The following PRKG1 variants were observed in gnomAD, a reference collection of about 807,000 sequenced individuals.
The protein encoded by PRKG1 is cGMP-dependent protein kinase 1.
A neutral mutation model predicts 88.1 loss-of-function variants in PRKG1; 35 were observed. That is an observed-to-expected ratio of 0.40 (90% CI 0.30 to 0.53). PRKG1 has a LOEUF of 0.53. PRKG1 is among the 20% of genes least tolerant of loss of function. PRKG1 has a pLI of 0.59. For synonymous variants in PRKG1, 303 were observed against 292.5 expected, an observed-to-expected ratio of 1.04 and a Z score of -0.37; for missense variants, 540 against 839.8, an observed-to-expected ratio of 0.64 and a Z score of 4.41.
intron 2 of PRKG1, among the ~76,000 whole-genome samples, chr10:51,410,034 G>T (rs774906505): frequency 2.0e-5 from 3 of 151,862 alleles, no homozygotes; most frequent in Non-Finnish European, 2.9e-5. Flanking sequence ...GGCCCAAGTG[G>T]CAGAGCAGCT....
intron 1 of PRKG1, among the ~76,000 whole-genome samples, chr10:51,019,083 G>T (rs917731361): frequency 1.3e-5 from 2 of 152,118 alleles, no homozygotes; most frequent in African/African-American, 4.8e-5. Context: ...TAGCTGGAAG[G>T]TTATGTAATT....
chr10:52,071,299 C>T (rs575418131), intron 7 of PRKG1, among the ~76,000 whole-genome samples: 14 of 152,196 alleles, frequency 9.2e-5, no homozygotes, highest in Admixed American at 7.2e-4. Flanking sequence ...TCCATCTCTG[C>T]CTCCCCTCTT....
chr10:52,174,935 T>C lies in PRKG1; in HGVS notation c.1076+12972T>C, dbSNP rs1356101627. On this transcript the variant is annotated intron_variant, in intron 9 of 17. Coordinates refer to ENST00000373980, the MANE Select transcript of PRKG1 (RefSeq NM_006258.4). The stretch of plus-strand genomic sequence containing the variant: ...ATGATGTTCCAATACATATAATGTA[T>C]AGTGATCTGATCAGGGCGATTAGCA... 2.0e-5 allele frequency among the ~76,000 whole-genome samples: 3 copies of C among 152,208 alleles called. No individual in the cohort carries two copies. In the East Asian group the frequency reaches 5.8e-4, roughly 29 times the overall value.
chr10:51,904,235 A>AT (rs995675582), intron 4 of PRKG1, among the ~76,000 whole-genome samples: 10 of 151,150 alleles, frequency 6.6e-5, no homozygotes, highest in Middle Eastern at 3.4e-3. Context: ...ACAATAAATT[A>AT]TTTTTTTTTG....
At chr10:52,232,753 C>T (rs1403669408) in intron 9 of PRKG1, among the ~76,000 whole-genome samples, 1 of 152,174 alleles carries the variant, frequency 6.6e-6, no homozygotes, top group Non-Finnish European at 1.5e-5. Flanking sequence ...CTAAGTCCCT[C>T]AACTTCCTCC....
intron 5 of PRKG1, among the ~76,000 whole-genome samples, chr10:51,963,397 A>T (rs997844493): frequency 2.0e-5 from 3 of 152,150 alleles, no homozygotes; most frequent in Admixed American, 6.6e-5. Flanking sequence ...ATTACTGTGA[A>T]GCAGTTTTCA....
At chr10:51,207,983 T>TA (rs1838106951) in intron 2 of PRKG1, among the ~76,000 whole-genome samples, 4 of 152,248 alleles carry the variant, frequency 2.6e-5, no homozygotes, top group Admixed American at 6.5e-5. Context: ...ATGGTGTTAT[T>TA]ATTAACTGAA....
chr10:51,544,782 A>T (rs1234150203), intron 3 of PRKG1, among the ~76,000 whole-genome samples: 1 of 152,138 alleles, frequency 6.6e-6, no homozygotes, highest in African/African-American at 2.4e-5. Context: ...CAATCTACTC[A>T]TCTGACAAAG....
chr10:51,179,998 G>A (rs1260660947), intron 2 of PRKG1, among the ~76,000 whole-genome samples: 1 of 152,036 alleles, frequency 6.6e-6, no homozygotes, highest in Non-Finnish European at 1.5e-5. Context: ...TTATTATTTT[G>A]TTTCATTCCT....
intron 7 of PRKG1, among the ~76,000 whole-genome samples, chr10:52,108,810 G>A (rs1847485304): frequency 6.6e-6 from 1 of 150,808 alleles, no homozygotes; most frequent in African/African-American, 2.4e-5. Flanking sequence ...TATTAACCTG[G>A]GAGAACAAGT....
intron 4 of PRKG1, among the ~76,000 whole-genome samples, chr10:51,905,640 G>A (rs1842070824): frequency 6.6e-6 from 1 of 151,932 alleles, no homozygotes. Flanking sequence ...TTTGCATAAA[G>A]TAAGTTTTAT....
chr10:51,100,684 C>A (rs1186569992), intron 1 of PRKG1, among the ~76,000 whole-genome samples: 1 of 152,102 alleles, frequency 6.6e-6, no homozygotes, highest in Non-Finnish European at 1.5e-5. Flanking sequence ...GCCTTTCAAA[C>A]CTTTGGTATT....
intron 5 of PRKG1, among the ~76,000 whole-genome samples, chr10:52,022,271 T>C (rs1053189607): frequency 2.6e-5 from 4 of 152,194 alleles, no homozygotes; most frequent in African/African-American, 9.6e-5. Context: ...CATTTTGACT[T>C]ACTCAATTTT....
chr10:51,691,768 G>A (rs1841150805), intron 3 of PRKG1, among the ~76,000 whole-genome samples: 1 of 152,158 alleles, frequency 6.6e-6, no homozygotes, highest in Admixed American at 6.5e-5. Flanking sequence ...AATATAAGCT[G>A]CTTCTACAGG....
chr10:51,738,422 G>T (rs896498227), intron 3 of PRKG1, among the ~76,000 whole-genome samples: 1 of 152,218 alleles, frequency 6.6e-6, no homozygotes, highest in African/African-American at 2.4e-5. Flanking sequence ...TTATGTAATT[G>T]TAAGTTTCTT....
chr10:51,746,220 T>A (rs74132403), intron 3 of PRKG1, among the ~76,000 whole-genome samples: 2,160 of 152,180 alleles, frequency 0.014, 54 homozygotes, highest in African/African-American at 0.049. Flanking sequence ...GTGCCATTAT[T>A]TGGTACTTTG....
chr10:51,784,366 TC>T (rs1044782563), intron 3 of PRKG1, among the ~76,000 whole-genome samples: 19 of 152,232 alleles, frequency 1.2e-4, no homozygotes, highest in Middle Eastern at 6.8e-3. Context: ...TATGTAGCTG[TC>T]CCACTGGATT....
At chr10:52,264,694 C>G (rs983875706) in intron 10 of PRKG1, among the ~76,000 whole-genome samples, 1 of 152,046 alleles carries the variant, frequency 6.6e-6, no homozygotes, top group African/African-American at 2.4e-5. Flanking sequence ...ATTACAATTA[C>G]GGTGACTCTG....
chr10:51,696,825 C>T (rs1841306054), intron 3 of PRKG1: 1 of 152,072 alleles, frequency 6.6e-6, no homozygotes, highest in Non-Finnish European at 1.5e-5. Flanking sequence ...ATTTATAACT[C>T]ATCTAGATCA....
Sources: allele counts gnomAD v4.1 joint callset (sites outside exome capture counted in the v4.1 genomes callset), GRCh38; gene constraint gnomAD v4.1.1; transcripts MANE v1.5; gene names NCBI Gene and HGNC (gene_info 2026-07-23, HGNC 2026-07-21).